Variants in NAALADL2 observed in about 807,000 individuals in gnomAD.
NAALADL2 encodes the protein inactive N-acetylated-alpha-linked acidic dipeptidase-like protein 2.
Under a neutral mutation model 87.2 loss-of-function variants are expected in NAALADL2, and 76 were observed. The ratio of observed to expected loss-of-function variants is 0.87; its 90% confidence interval spans 0.72 to 1.05. The LOEUF (loss-of-function observed/expected upper bound fraction) is 1.05. Ranked by LOEUF, NAALADL2 falls within the 50% of genes least tolerant of loss-of-function variation. NAALADL2 has a pLI of 0.00. For synonymous variants in NAALADL2, 354 were observed against 331.0 expected (o/e 1.07, Z -0.75); for missense variants, 1,089 against 945.8 (o/e 1.15, Z -1.99).
At chr3:175,200,126 T>C (rs554255528) in intron 2 of NAALADL2, among the ~76,000 whole-genome samples, 1 of 151,882 alleles carries the variant, frequency 6.6e-6, no homozygotes, top group African/African-American at 2.4e-5. Context: ...TGAAACTAGC[T>C]ACTTCAAGCT....
chr3:174,557,526 A>T (rs1213339036), intron 2 of NAALADL2, among the ~76,000 whole-genome samples: 1 of 152,180 alleles, frequency 6.6e-6, no homozygotes, highest in African/African-American at 2.4e-5. Context: ...AATTTTTAAT[A>T]TAATAGACTC....
chr3:175,005,847 T>A (rs550148268), intron 1 of NAALADL2, among the ~76,000 whole-genome samples: 150 of 152,328 alleles, frequency 9.8e-4, no homozygotes, highest in African/African-American at 3.3e-3. Context: ...AAGCAGACTT[T>A]GGGCTTATTT....
chr3:175,029,363 G>T (rs1284513554), intron 1 of NAALADL2, among the ~76,000 whole-genome samples: 2 of 151,990 alleles, frequency 1.3e-5, no homozygotes, highest in East Asian at 3.9e-4. Context: ...TTTAAAAATG[G>T]GGGACCCTAG....
At chr3:174,904,703 T>A (rs1732765942) in intron 1 of NAALADL2, among the ~76,000 whole-genome samples, 1 of 151,916 alleles carries the variant, frequency 6.6e-6, no homozygotes, top group South Asian at 2.1e-4. Context: ...GCATCCTACT[T>A]CTGTTTATGT....
intron 2 of NAALADL2, among the ~76,000 whole-genome samples, chr3:175,122,904 C>T (rs556536558): frequency 1.3e-5 from 2 of 151,944 alleles, no homozygotes; most frequent in Admixed American, 6.6e-5. Flanking sequence ...CTTCTTGCTT[C>T]ATTATTTTAT....
At chr3:175,489,094 G>T (rs1395520197) in intron 9 of NAALADL2, among the ~76,000 whole-genome samples, 1 of 152,104 alleles carries the variant, frequency 6.6e-6, no homozygotes, top group Non-Finnish European at 1.5e-5. Flanking sequence ...TGCTTTTGTG[G>T]ATAAGTATTT....
At chr3:175,082,204 A>G (rs1002268668) in intron 1 of NAALADL2, among the ~76,000 whole-genome samples, 6 of 152,204 alleles carry the variant, frequency 3.9e-5, no homozygotes, top group Admixed American at 2.0e-4. Flanking sequence ...GTAAATTACA[A>G]TGCAAAACTG....
At chr3:175,760,544 A>T (rs1189948775) in intron 13 of NAALADL2, among the ~76,000 whole-genome samples, 1 of 152,232 alleles carries the variant, frequency 6.6e-6, no homozygotes, top group Admixed American at 6.5e-5. Flanking sequence ...TATGTTGAAA[A>T]TTACAAAGCA....
intron 1 of NAALADL2, among the ~76,000 whole-genome samples, chr3:175,088,788 G>C (rs1289706256): frequency 6.6e-6 from 1 of 152,162 alleles, no homozygotes; most frequent in Non-Finnish European, 1.5e-5. Flanking sequence ...ATCAAGCTAT[G>C]AGGCTCCTCC....
intron 3 of NAALADL2, among the ~76,000 whole-genome samples, chr3:175,246,937 A>G (rs1202713700): frequency 6.6e-6 from 1 of 152,194 alleles, no homozygotes; most frequent in Non-Finnish European, 1.5e-5. Context: ...TGCCTTTGCC[A>G]GCAGTCTTGT....
intron 1 of NAALADL2, among the ~76,000 whole-genome samples, chr3:174,869,294 GGGA>G (rs1447822276): frequency 6.6e-6 from 1 of 151,988 alleles, no homozygotes; most frequent in Non-Finnish European, 1.5e-5. Flanking sequence ...CTTTGGAAAT[GGGA>G]GAAAGAAGAG....
At chr3:174,641,851 G>C (rs955532315) in intron 2 of NAALADL2, among the ~76,000 whole-genome samples, 1 of 152,118 alleles carries the variant, frequency 6.6e-6, no homozygotes, top group Non-Finnish European at 1.5e-5. Flanking sequence ...CAACCTCCCG[G>C]GCTCAAGTGA....
At chr3:174,982,208 T>G (rs1745217196) in intron 1 of NAALADL2, among the ~76,000 whole-genome samples, 1 of 152,156 alleles carries the variant, frequency 6.6e-6, no homozygotes, top group African/African-American at 2.4e-5. Flanking sequence ...AATCCAGAGA[T>G]AAAAGCTATG....
Position 174,637,548 on chromosome 3 carries a change from A to C in NAALADL2, c.-115+86911A>C, listed in dbSNP as rs535736631. Among the ~76,000 whole-genome samples, 4 of 152,250 alleles carry C rather than the reference A, an allele frequency of 2.6e-5. No individual in the cohort carries two copies. The South Asian group carries it at 8.3e-4, about 32-fold the overall frequency. ...AATAAAAGGATTTTTAGCCTAAATC[A>C]TCAGAATGATGTACAAAATTCATAA... On this transcript the variant is annotated intron_variant, in intron 2 of 3. Coordinates refer to the NAALADL2 transcript ENST00000434257.
intron 3 of NAALADL2, among the ~76,000 whole-genome samples, chr3:174,843,414 C>T (rs1724242532): frequency 6.6e-6 from 1 of 151,938 alleles, no homozygotes; most frequent in Non-Finnish European, 1.5e-5. Context: ...ATGATATATA[C>T]CACATTTTCT....
chr3:174,707,118 T>A (rs996350034), intron 2 of NAALADL2, among the ~76,000 whole-genome samples: 1 of 152,172 alleles, frequency 6.6e-6, no homozygotes, highest in Non-Finnish European at 1.5e-5. Context: ...CCAGTTAGAA[T>A]GGCAGTCATT....
At chr3:174,501,871 T>C (rs1455092207) in intron 1 of NAALADL2, among the ~76,000 whole-genome samples, 1 of 152,090 alleles carries the variant, frequency 6.6e-6, no homozygotes, top group Non-Finnish European at 1.5e-5. Flanking sequence ...CATTGAATTT[T>C]CCACTGTTCT....
At chr3:174,856,662 C>A (rs1725893670), upstream of NAALADL2, among the ~76,000 whole-genome samples, 1 of 151,836 alleles carries the variant, frequency 6.6e-6, no homozygotes, top group Non-Finnish European at 1.5e-5. Context: ...TTCAGATATG[C>A]CAGAGAAAAG....
chr3:174,557,563 T>G (rs1478461898), intron 2 of NAALADL2, among the ~76,000 whole-genome samples: 1 of 152,202 alleles, frequency 6.6e-6, no homozygotes, highest in African/African-American at 2.4e-5. Context: ...TGTATTAGGA[T>G]TTCAGTAAAT....
Sources: allele counts gnomAD v4.1 joint callset (sites outside exome capture counted in the v4.1 genomes callset), GRCh38; gene constraint gnomAD v4.1.1; transcripts MANE v1.5; gene names NCBI Gene and HGNC (gene_info 2026-07-23, HGNC 2026-07-21).